The following RBFOX1 variants were observed in gnomAD, a reference collection of about 807,000 sequenced individuals.
RBFOX1 encodes RNA binding protein fox-1 homolog 1.
A neutral mutation model predicts 57.7 loss-of-function variants in RBFOX1; 8 were observed. That is an observed-to-expected ratio of 0.14 (90% CI 0.08 to 0.25). The LOEUF (loss-of-function observed/expected upper bound fraction) is 0.25. Among genes scored for constraint, RBFOX1 ranks in the 10% least tolerant of loss-of-function variants. The pLI, the probability that RBFOX1 is intolerant of heterozygous loss-of-function variation, is 1.00. For missense variants in RBFOX1, 611 were observed against 548.5 expected (o/e 1.11, Z -1.14); for synonymous variants, 326 against 222.4 (o/e 1.47, Z -4.15).
chr16:7,157,918 G>A (rs543581459), intron 4 of RBFOX1, among the ~76,000 whole-genome samples: 89 of 152,316 alleles, frequency 5.8e-4, no homozygotes, highest in African/African-American at 2.0e-3. Context: ...CCGAGGAGCT[G>A]TGTTTGCTTT....
intron 3 of RBFOX1, among the ~76,000 whole-genome samples, chr16:6,827,761 C>T (rs2092334051): frequency 6.6e-6 from 1 of 152,190 alleles, no homozygotes; most frequent in South Asian, 2.1e-4. Context: ...ACCTCCATCA[C>T]TCTTACCTGG....
chr16:6,413,410 C>T (rs931377927), intron 2 of RBFOX1, among the ~76,000 whole-genome samples: 1 of 151,820 alleles, frequency 6.6e-6, no homozygotes, highest in Non-Finnish European at 1.5e-5. Flanking sequence ...GCAGTCCTCT[C>T]ATCTTGGCTT....
In RBFOX1 at chr16:6,319,988, A is replaced by AT. The variant is rs372734865; in HGVS notation, c.-64+2940dup. Reference sequence around the variant, plus strand: ...ACACCATGTCTGTGATTATAGGAATATTTTTTTTTCACCAAGTCTTAATGA... The same window carrying AT: ...ACACCATGTCTGTGATTATAGGAATATTTTTTTTTTCACCAAGTCTTAATGA... On this transcript the variant is annotated intron_variant, in intron 2 of 15. Transcript: ENST00000550418. Among the ~76,000 whole-genome samples, 9 of 151,192 alleles carry AT rather than the reference A, an allele frequency of 6.0e-5. 1 individual carries two copies. Among genetic ancestry groups the AT allele is most frequent in the African/African-American group, 9.7e-5 (4 of 41,096 alleles).
intron 4 of RBFOX1, among the ~76,000 whole-genome samples, chr16:7,260,423 C>A (rs532812075): frequency 1.3e-5 from 2 of 152,016 alleles, no homozygotes; most frequent in South Asian, 2.1e-4. Flanking sequence ...CAAAGATCAC[C>A]CACAAAGCTC....
At chr16:7,006,543 G>A (rs750580250) in intron 3 of RBFOX1, among the ~76,000 whole-genome samples, 4 of 152,014 alleles carry the variant, frequency 2.6e-5, no homozygotes, top group African/African-American at 4.8e-5. Context: ...TCGAACTCCT[G>A]GGCTCAAGCA....
At chr16:6,352,258 T>G (rs1177618717) in intron 2 of RBFOX1, among the ~76,000 whole-genome samples, 3 of 152,214 alleles carry the variant, frequency 2.0e-5, no homozygotes, top group African/African-American at 7.2e-5. Flanking sequence ...TCCATCTAGT[T>G]TATAAATGCT....
At chr16:7,108,795 A>C (rs1379111597) in intron 4 of RBFOX1, among the ~76,000 whole-genome samples, 1 of 152,216 alleles carries the variant, frequency 6.6e-6, no homozygotes, top group East Asian at 1.9e-4. Context: ...TACGAGGCTC[A>C]TGAAGGCTTG....
chr16:6,421,159 C>A (rs1211945743), intron 2 of RBFOX1, among the ~76,000 whole-genome samples: 1 of 152,198 alleles, frequency 6.6e-6, no homozygotes, highest in African/African-American at 2.4e-5. Context: ...CCAGAGGCTT[C>A]TTGATCCAAT....
chr16:5,961,945 C>G (rs2059758412), intron 4 of RBFOX1, among the ~76,000 whole-genome samples: 1 of 152,116 alleles, frequency 6.6e-6, no homozygotes, highest in African/African-American at 2.4e-5. Flanking sequence ...AAAAAAGATC[C>G]AGAAACAGGT....
At chr16:6,135,785 C>CCT (rs2096662466) in intron 1 of RBFOX1, among the ~76,000 whole-genome samples, 1 of 85,032 alleles carries the variant, frequency 1.2e-5, no homozygotes, top group Non-Finnish European at 2.2e-5. Context: ...CTCGTTTCGA[C>CCT]TTTTTTTTTT....
At chr16:7,161,726 C>G in intron 4 of RBFOX1, among the ~76,000 whole-genome samples, 1 of 152,158 alleles carries the variant, frequency 6.6e-6, no homozygotes. Flanking sequence ...TGAGCAGCTT[C>G]CTTTATGACT....
chr16:5,435,986 T>C (rs572067869), intron 1 of RBFOX1, among the ~76,000 whole-genome samples: 1 of 152,362 alleles, frequency 6.6e-6, no homozygotes, highest in African/African-American at 2.4e-5. Context: ...TTTAAGCACA[T>C]AGCTCTAGCT....
chr16:5,902,143 C>T (rs1387492038), intron 4 of RBFOX1, among the ~76,000 whole-genome samples: 1 of 152,146 alleles, frequency 6.6e-6, no homozygotes, highest in Non-Finnish European at 1.5e-5. Context: ...GTTCACCTGC[C>T]ATGAGTCAGA....
intron 3 of RBFOX1, among the ~76,000 whole-genome samples, chr16:6,846,599 C>T (rs1304744206): frequency 6.6e-6 from 1 of 152,178 alleles, no homozygotes; most frequent in African/African-American, 2.4e-5. Flanking sequence ...TGTGGAAACG[C>T]ACGAAGACCT....
chr16:7,345,872 C>T (rs1382192243), intron 4 of RBFOX1, among the ~76,000 whole-genome samples: 1 of 152,016 alleles, frequency 6.6e-6, no homozygotes, highest in Non-Finnish European at 1.5e-5. Flanking sequence ...TACATGTGCA[C>T]AACGTGCAGG....
rs1465223613 is a variant in RBFOX1 at position 7,277,928 on chromosome 16, T to C, written c.27+225830T>C. Among the ~76,000 whole-genome samples, 3 of 147,514 alleles carry C rather than the reference T, an allele frequency of 2.0e-5. No homozygotes were observed. In the East Asian group the frequency reaches 6.1e-4, roughly 30 times the overall value. On this transcript the variant is annotated intron_variant, in intron 4 of 15. Transcript: ENST00000550418. ...TCAGAAGAAAAAGGGTATGAAAGTC[T>C]AGTAGGAGAAAATGATTAGCAAAAA... is the stretch of plus-strand genomic sequence containing the variant.
At chr16:7,127,299 C>G (rs916977461) in intron 4 of RBFOX1, among the ~76,000 whole-genome samples, 4 of 152,110 alleles carry the variant, frequency 2.6e-5, no homozygotes, top group Admixed American at 1.3e-4. Flanking sequence ...ACTTATGATA[C>G]TGTGTTTGCT....
rs529880832 is a variant in RBFOX1, at chr16:7,371,131, C to G, written c.28-147016C>G. ...TGTTTTCATAAATGCCAAGGCCTGC[C>G]TTTTACTCTCCTTCTGCCCTTCTCC... is the stretch of plus-strand genomic sequence containing the variant. On this transcript the variant is annotated intron_variant, in intron 4 of 15. Transcript: ENST00000550418. Among the ~76,000 whole-genome samples, 4 of 152,258 alleles carry G rather than the reference C, an allele frequency of 2.6e-5. No individual in the cohort carries two copies. In the East Asian group the frequency reaches 7.7e-4, roughly 29 times the overall value.
chr16:6,446,724 A>G (rs2094493666), intron 2 of RBFOX1, among the ~76,000 whole-genome samples: 1 of 152,182 alleles, frequency 6.6e-6, no homozygotes, highest in Non-Finnish European at 1.5e-5. Context: ...AGTTAGTTAT[A>G]TTTACTATAA....
Sources: allele counts gnomAD v4.1 joint callset (sites outside exome capture counted in the v4.1 genomes callset), GRCh38; gene constraint gnomAD v4.1.1; transcripts MANE v1.5; gene names NCBI Gene and HGNC (gene_info 2026-07-23, HGNC 2026-07-21).